The following FRMD3 variants were observed in gnomAD, a reference collection of about 807,000 sequenced individuals.
The protein encoded by FRMD3 is FERM domain containing 3, also known as FERM domain-containing protein 3.
FRMD3 carries 33 observed loss-of-function variants against 70.2 expected under a neutral mutation model. That is an observed-to-expected ratio of 0.47 (90% confidence interval 0.36 to 0.63). The LOEUF is 0.63. FRMD3 is among the 20% of genes least tolerant of loss of function. The pLI is 0.00. For missense variants in FRMD3, 632 were observed against 711.4 expected (o/e 0.89, Z 1.27); for synonymous variants, 279 against 255.9 (o/e 1.09, Z -0.86).
chr9:83,543,306 G>C (rs1033992084), upstream of FRMD3, among the ~76,000 whole-genome samples: 1 of 151,908 alleles, frequency 6.6e-6, no homozygotes, highest in Non-Finnish European at 1.5e-5. Flanking sequence ...GAAGGACTTG[G>C]GGTCCCATGG....
chr9:83,293,797 G>C (rs1349942777), intron 12 of FRMD3, among the ~76,000 whole-genome samples: 1 of 152,204 alleles, frequency 6.6e-6, no homozygotes, highest in Non-Finnish European at 1.5e-5. Context: ...TATTAGACCA[G>C]GTGACTCCTG....
intron 1 of FRMD3, among the ~76,000 whole-genome samples, chr9:83,533,154 T>G (rs941069063): frequency 6.6e-6 from 1 of 152,198 alleles, no homozygotes; most frequent in Non-Finnish European, 1.5e-5. Flanking sequence ...GCTCCAGAGA[T>G]GAAAGAGCTC....
chr9:83,401,623 G>A (rs1042256969), intron 1 of FRMD3, among the ~76,000 whole-genome samples: 1 of 152,196 alleles, frequency 6.6e-6, no homozygotes, highest in African/African-American at 2.4e-5. Flanking sequence ...TAGCAGGGGA[G>A]AATTCTGCTC....
At chr9:83,452,847 C>A (rs1243837790) in intron 1 of FRMD3, among the ~76,000 whole-genome samples, 3 of 116,320 alleles carry the variant, frequency 2.6e-5, no homozygotes, top group Non-Finnish European at 5.2e-5. Flanking sequence ...ATTTTTATTG[C>A]CTTTTTTTTT....
chr9:83,424,371 C>T (rs988768912), intron 1 of FRMD3, among the ~76,000 whole-genome samples: 3 of 152,150 alleles, frequency 2.0e-5, no homozygotes, highest in Admixed American at 6.5e-5. Flanking sequence ...TTTCAGGGTT[C>T]GAAGCAAAAA....
intron 6 of FRMD3, chr9:83,331,759 A>G (rs1392376586): frequency 1.5e-6 from 1 of 686,938 alleles, no homozygotes; most frequent in Non-Finnish European, 2.7e-6. Flanking sequence ...TTTAAAAAAT[A>G]AAGTCTATTA....
chr9:83,536,930 TAAAAAAA>T (rs142272516), intron 1 of FRMD3, among the ~76,000 whole-genome samples: 15 of 60,886 alleles, frequency 2.5e-4, no homozygotes, highest in South Asian at 1.9e-3. Context: ...TGTATTACAC[TAAAAAAA>T]AAAAAAAAAA....
chr9:83,408,814 C>T (rs755414214), intron 1 of FRMD3, among the ~76,000 whole-genome samples: 17 of 152,160 alleles, frequency 1.1e-4, no homozygotes, highest in Non-Finnish European at 1.5e-4. Context: ...CGGACACAAT[C>T]CATGCAGAAA....
At chr9:83,396,296 C>T (rs1039826775) in intron 1 of FRMD3, among the ~76,000 whole-genome samples, 51 of 152,242 alleles carry the variant, frequency 3.3e-4, no homozygotes, top group African/African-American at 1.1e-3. Flanking sequence ...CCCACAACAA[C>T]ACCAGGCTGG....
intron 1 of FRMD3, among the ~76,000 whole-genome samples, chr9:83,498,335 T>C (rs1443286430): frequency 6.6e-6 from 1 of 152,160 alleles, no homozygotes; most frequent in Non-Finnish European, 1.5e-5. Context: ...GAGACCAAAC[T>C]TGACACAGAA....
chr9:83,320,608 C>T (rs1192943610), intron 6 of FRMD3, among the ~76,000 whole-genome samples: 1 of 151,832 alleles, frequency 6.6e-6, no homozygotes, highest in Non-Finnish European at 1.5e-5. Context: ...CATTTATGTT[C>T]ATCAGGGATA....
At chr9:83,396,160 A>C (rs1413222572) in intron 1 of FRMD3, among the ~76,000 whole-genome samples, 1 of 152,188 alleles carries the variant, frequency 6.6e-6, no homozygotes, top group Non-Finnish European at 1.5e-5. Context: ...CTAGGAACTC[A>C]GTTGGCCTAT....
intron 6 of FRMD3, among the ~76,000 whole-genome samples, chr9:83,322,022 A>G (rs1162981365): frequency 1.3e-5 from 2 of 152,128 alleles, no homozygotes; most frequent in Non-Finnish European, 2.9e-5. Context: ...GGTTGCAGCC[A>G]TGACAACTTG....
At chr9:83,320,707 C>T (rs1403239142) in intron 6 of FRMD3, among the ~76,000 whole-genome samples, 1 of 152,124 alleles carries the variant, frequency 6.6e-6, no homozygotes, top group Non-Finnish European at 1.5e-5. Context: ...AAGGAGAACT[C>T]TCTCATCTTC....
At chr9:83,517,494 CAAAAAAAAAAAAAAA>C (rs59178344) in intron 1 of FRMD3, among the ~76,000 whole-genome samples, 4 of 65,526 alleles carry the variant, frequency 6.1e-5, no homozygotes, top group African/African-American at 2.6e-4. Flanking sequence ...CCTACCAATC[CAAAAAAAAAAAAAAA>C]AAAAAAAAAC....
chr9:83,243,108 C>A, downstream of FRMD3: 1 of 1,282,948 alleles, frequency 7.8e-7, no homozygotes, highest in Non-Finnish European at 1.1e-6. Flanking sequence ...GGGTGGGGCC[C>A]ACCGAACTTA....
chr9:83,379,228 A>C (rs1378851531), intron 2 of FRMD3, among the ~76,000 whole-genome samples: 6 of 151,988 alleles, frequency 3.9e-5, no homozygotes. Context: ...TCTGGACTAC[A>C]CCAATAACTC....
intron 13 of FRMD3, among the ~76,000 whole-genome samples, chr9:83,255,648 C>T (rs1247464040): frequency 2.6e-5 from 4 of 152,152 alleles, no homozygotes; most frequent in Admixed American, 6.6e-5. Flanking sequence ...CCCCAAATCT[C>T]CTTAAGCTGA....
In FRMD3 at chr9:83,356,142, C is replaced by T. The variant is rs559009142; in HGVS notation, c.296-6385G>A. ...GCCCAGAAATGGAGTTGATAGGAAA[C>T]GATTAAATTGAGCAAGATCCTGGGT... On this transcript the variant is annotated intron_variant, in intron 3 of 13. Coordinates refer to ENST00000304195, the MANE Select transcript of FRMD3 (RefSeq NM_174938.6). Among the ~76,000 whole-genome samples the T allele has an allele frequency of 3.5e-4, 53 of 152,028 alleles. 1 individual carries two copies. The highest frequency in any genetic ancestry group is 3.9e-4 in the East Asian group (2 of 5,174).
Sources: allele counts gnomAD v4.1 joint callset (sites outside exome capture counted in the v4.1 genomes callset), GRCh38; gene constraint gnomAD v4.1.1; transcripts MANE v1.5; gene names NCBI Gene and HGNC (gene_info 2026-07-23, HGNC 2026-07-21).